Variants in ZFP82 observed in about 807,000 individuals in gnomAD.
The protein encoded by ZFP82 is ZFP82 zinc finger protein.
A neutral mutation model predicts 54.0 loss-of-function variants in ZFP82; 30 were observed. The observed-to-expected ratio is 0.56, with a 90% CI of 0.42 to 0.75. The LOEUF (loss-of-function observed/expected upper bound fraction) is 0.75, where lower values mean the gene tolerates loss of function less well. Ranked by LOEUF, ZFP82 falls within the 30% of genes least tolerant of loss-of-function variation. The pLI, the probability that ZFP82 is intolerant of heterozygous loss-of-function variation, is 0.00. For synonymous variants in ZFP82, 194 were observed against 209.5 expected, an observed-to-expected ratio of 0.93 and a Z score of 0.64; for missense variants, 500 against 636.8, an observed-to-expected ratio of 0.79 and a Z score of 2.31.
In ZFP82 at chr19:36,393,211, G is replaced by A. The variant is rs1298736759; in HGVS notation, c.1129C>T (p.Arg377Cys). The A allele has an allele frequency of 8.1e-6, 13 of 1,613,372 alleles. No homozygotes were observed. The highest frequency in any genetic ancestry group is 1.3e-5 in the African/African-American group (1 of 74,708). Residue 377 changes from arginine (R) to cysteine (C), a missense_variant, in exon 5 of 5, where the codon CGT (arginine) becomes TGT (cysteine). Transcript: ENST00000392161. Reference protein sequence around the residue: ...ECKECGKTFSRGYHLILHHRI... With the variant: ...ECKECGKTFSCGYHLILHHRI... ...TGATGGAGAATAAGATGATAACCAC[G>A]GCTAAAGGTCTTTCCACATTCCTTA...
intron 4 of ZFP82, among the ~76,000 whole-genome samples, chr19:36,399,288 T>G (rs914632637): frequency 6.6e-6 from 1 of 152,174 alleles, no homozygotes; most frequent in Non-Finnish European, 1.5e-5. Flanking sequence ...AGGAAGAGAT[T>G]CCTGCACAGA....
chr19:36,412,599 A>G (rs953069973), intron 1 of ZFP82, among the ~76,000 whole-genome samples: 2 of 152,162 alleles, frequency 1.3e-5, no homozygotes, highest in Non-Finnish European at 2.9e-5. Context: ...ACTTCTCATG[A>G]CTTCTTGACC....
At chr19:36,386,676 G>A (rs182097697), downstream of ZFP82, among the ~76,000 whole-genome samples, 2 of 152,192 alleles carry the variant, frequency 1.3e-5, no homozygotes, top group South Asian at 4.1e-4. Context: ...GCTGGCTCAC[G>A]CCTGTAATCC....
At chr19:36,396,669 T>C (rs115961097) in intron 4 of ZFP82, among the ~76,000 whole-genome samples, 5,915 of 151,326 alleles carry the variant, frequency 0.039, 359 homozygotes, top group African/African-American at 0.14. Context: ...AAAAAATACA[T>C]ACATAAATAA....
chr19:36,413,215 A>G (rs1431082220), intron 1 of ZFP82, among the ~76,000 whole-genome samples: 1 of 152,152 alleles, frequency 6.6e-6, no homozygotes, highest in African/African-American at 2.4e-5. Context: ...GTTTGAGACT[A>G]GCCTCGCCAA....
At chr19:36,403,186 G>T (rs2032419279) in intron 4 of ZFP82, among the ~76,000 whole-genome samples, 1 of 151,450 alleles carries the variant, frequency 6.6e-6, no homozygotes, top group South Asian at 2.1e-4. Context: ...ATCCAGGCAT[G>T]GTGGCAGGCA....
At chr19:36,399,067 A>G (rs535158423) in intron 4 of ZFP82, among the ~76,000 whole-genome samples, 3 of 152,230 alleles carry the variant, frequency 2.0e-5, no homozygotes, top group Non-Finnish European at 4.4e-5. Context: ...AAATGGCAAC[A>G]AAATTTAGAA....
intron 1 of ZFP82, among the ~76,000 whole-genome samples, chr19:36,415,934 G>C (rs2032661875): frequency 6.6e-6 from 1 of 152,174 alleles, no homozygotes; most frequent in African/African-American, 2.4e-5. Context: ...CCTAAATTCA[G>C]TAAAAGTATA....
At chr19:36,411,948 T>C (rs560634282) in intron 1 of ZFP82, among the ~76,000 whole-genome samples, 1 of 151,818 alleles carries the variant, frequency 6.6e-6, no homozygotes, top group Non-Finnish European at 1.5e-5. Context: ...TAAAAAATGA[T>C]AATGCAGCTC....
downstream of ZFP82, among the ~76,000 whole-genome samples, chr19:36,388,610 C>T (rs1032471030): frequency 2.6e-5 from 4 of 151,734 alleles, no homozygotes; most frequent in South Asian, 4.2e-4. Context: ...TTAAAAAAAC[C>T]TCATTATGTA....
At position 36,394,154 on chromosome 19, in the gene ZFP82, T is replaced by G. The variant is rs751514562; in HGVS notation, c.230-44A>C. On this transcript the variant is annotated intron_variant, in intron 4 of 4. Coordinates refer to ENST00000392161, the MANE Select transcript of ZFP82 (RefSeq NM_133466.4). Reference sequence around the variant, plus strand: ...GCAAACACATGCTGTTTTCTTTTACTAAAAGAAGCAACATTTCTAATGTAG... The same window carrying G: ...GCAAACACATGCTGTTTTCTTTTACGAAAAGAAGCAACATTTCTAATGTAG... The G allele has an allele frequency of 2.0e-6, 3 of 1,507,488 alleles. No homozygotes were observed. In the Admixed American group the frequency reaches 6.1e-5, roughly 31 times the overall value. 93.4% of individuals were successfully genotyped at this position (1,507,488 alleles called of 1,614,324 possible). A position where few individuals can be genotyped will look rare whatever the true frequency, so the allele number is the denominator to read the frequency against.
chr19:36,413,676 G>A (rs2032616940), intron 1 of ZFP82, among the ~76,000 whole-genome samples: 1 of 152,104 alleles, frequency 6.6e-6, no homozygotes, highest in Non-Finnish European at 1.5e-5. Context: ...GATATGAACA[G>A]AGCTCTGAGA....
chr19:36,410,117 T>C (rs2032552350), intron 1 of ZFP82, among the ~76,000 whole-genome samples: 1 of 152,042 alleles, frequency 6.6e-6, no homozygotes. Flanking sequence ...TTCTTCAAAG[T>C]TTCATAGGCC....
At chr19:36,412,738 C>A (rs115062652) in intron 1 of ZFP82, among the ~76,000 whole-genome samples, 2,623 of 152,290 alleles carry the variant, frequency 0.017, 43 homozygotes, top group African/African-American at 0.058. Context: ...ATGCTTATTA[C>A]ATAAAATCCA....
Position 36,394,090 on chromosome 19 carries a change from T to A in ZFP82, c.250A>T (p.Thr84Ser). 6.2e-7 allele frequency: 1 copy of A among 1,608,034 alleles called. No individual in the cohort carries two copies. The highest frequency in any genetic ancestry group is 8.5e-7 in the Non-Finnish European group (1 of 1,178,846). ...QYPDLETKYE[T>S]KKLSLENDIY... is the part of the protein sequence containing the mutation. ...TCATTTTCTAAAGATAACTTCTTGG[T>A]CTCATACTTGGTCTCCAAATCTAAA... is the stretch of plus-strand genomic sequence containing the variant. The change falls in exon 5 of 5, where the codon ACC (threonine) becomes TCC (serine). Residue 84 changes from threonine to serine, a missense_variant. Thr to Ser is a moderately conservative substitution (Grantham distance 58, BLOSUM62 1). Coordinates refer to ENST00000392161, the MANE Select transcript of ZFP82 (RefSeq NM_133466.4).
rs892182977 is a variant in ZFP82, at chr19:36,392,642, T to C, written c.*99A>G. 3.2e-5 allele frequency: 34 copies of C among 1,054,112 alleles called. No homozygotes were observed. Among genetic ancestry groups the C allele is most frequent in the Non-Finnish European group, 4.2e-5 (32 of 756,346 alleles). The allele number at this position is 1,054,112 out of a possible 1,614,324, so 65.3% of individuals were successfully genotyped here. On this transcript the variant is annotated 3_prime_UTR_variant, in exon 5 of 5. Coordinates refer to ENST00000392161, the MANE Select transcript of ZFP82 (RefSeq NM_133466.4). ...ACATTGTCACACTCTTTTAATGGTA[T>C]AAAACCTCTAATGCCAACGCAGTTG...
rs1439429950 is a variant in ZFP82, at chr19:36,399,159, C to A, written c.230-5049G>T. Among the ~76,000 whole-genome samples, 4 of 152,304 alleles carry A rather than the reference C, an allele frequency of 2.6e-5. 1 individual carries two copies. Among genetic ancestry groups the A allele is most frequent in the Admixed American group, 2.0e-4 (3 of 15,298 alleles). On this transcript the variant is annotated intron_variant, in intron 4 of 4. Transcript: ENST00000392161. Reference sequence around the variant, plus strand: ...AACAATAAAATATGAGGGGAAAGATCTCACTCATAATACTTACAAAAATTT... The same window carrying A: ...AACAATAAAATATGAGGGGAAAGATATCACTCATAATACTTACAAAAATTT...
intron 4 of ZFP82, chr19:36,395,565 G>A (rs1026922331): frequency 8.5e-5 from 13 of 152,118 alleles, no homozygotes; most frequent in African/African-American, 1.7e-4. Flanking sequence ...CAGAAGTCAC[G>A]TTACATGTAG....
In ZFP82 at chr19:36,402,762, G is replaced by A. The variant is rs549182201; in HGVS notation, c.229+2818C>T. On this transcript the variant is annotated intron_variant, in intron 4 of 4. Coordinates refer to ENST00000392161, the MANE Select transcript of ZFP82 (RefSeq NM_133466.4). ...TGTAATTCCAGTACTCTGGGAGGCC[G>A]AGATGGGCGGATCATGAGGTCAGGA... 3.9e-5 allele frequency among the ~76,000 whole-genome samples: 6 copies of A among 152,214 alleles called. No individual in the cohort carries two copies. The East Asian group carries it at 7.8e-4, about 20-fold the overall frequency.
Sources: gnomAD v4.1 joint callset for allele counts (sites outside exome capture counted in the v4.1 genomes callset) on GRCh38, gnomAD v4.1.1 for gene constraint, MANE v1.5 for transcripts, NCBI Gene and HGNC (gene_info 2026-07-23, HGNC 2026-07-21) for gene names.